The following SLC9C2 variants were observed in gnomAD, a reference collection of about 807,000 sequenced individuals.
The protein encoded by SLC9C2 is solute carrier family 9 member C2 (putative).
SLC9C2 carries 75 observed loss-of-function variants against 140.2 expected under a neutral mutation model. The ratio of observed to expected loss-of-function variants is 0.53; its 90% CI spans 0.44 to 0.65. SLC9C2 has a LOEUF of 0.65. Among genes scored for constraint, SLC9C2 ranks in the 30% least tolerant of loss-of-function variants. SLC9C2 has a pLI of 0.00. For synonymous variants in SLC9C2, 375 were observed against 420.9 expected (o/e 0.89, Z 1.34); for missense variants, 1,074 against 1,331.8 (o/e 0.81, Z 3.01).
chr1:173,537,399 C>T (rs183507669), intron 13 of SLC9C2, among the ~76,000 whole-genome samples: 1 of 151,864 alleles, frequency 6.6e-6, no homozygotes, highest in Non-Finnish European at 1.5e-5. Flanking sequence ...CCCATCTCTA[C>T]CAAAAATACA....
Position 173,548,400 on chromosome 1 carries a change from C to T in SLC9C2, c.1450G>A (p.Glu484Lys). The T allele has an allele frequency of 1.9e-6, 3 of 1,612,116 alleles. No homozygotes were observed. Among genetic ancestry groups the T allele is most frequent in the Non-Finnish European group, 2.5e-6 (3 of 1,179,238 alleles). Residue 484 changes from glutamate (E) to lysine (K), a missense_variant, in exon 12 of 28, where the codon GAA becomes AAA. Transcript: ENST00000367714. ...WTLVEDKTRI[E>K]YIPFSHVSHN... ...AGGTATCAACTCACAGGAATGTATT[C>T]GATCCTCGTTTTATCTTCTACTAAG... is the stretch of plus-strand genomic sequence containing the variant.
chr1:173,585,477 G>A (rs1265568498), intron 5 of SLC9C2, among the ~76,000 whole-genome samples: 7 of 151,966 alleles, frequency 4.6e-5, no homozygotes, highest in East Asian at 3.8e-4. Flanking sequence ...TTCACACAAA[G>A]GGACAATATG....
chr1:173,501,052 AT>A lies in SLC9C2; in HGVS notation c.*41del. 1 of 1,503,858 alleles carries A rather than the reference AT, an allele frequency of 6.6e-7. No individual in the cohort carries two copies. The highest frequency in any genetic ancestry group is 1.4e-5 in the South Asian group (1 of 71,980). The allele number at this position is 1,503,858 out of a possible 1,614,324, so 93.2% of individuals were successfully genotyped here. On this transcript the variant is annotated 3_prime_UTR_variant, in exon 28 of 28. Coordinates refer to ENST00000367714, the MANE Select transcript of SLC9C2 (RefSeq NM_178527.4). ...TCTTTAACCTGACTCCACACATCAT[AT>A]TTGTATCATTAATACCCTTTTCTAA...
chr1:173,509,605 G>A lies in SLC9C2; in HGVS notation c.3002C>T (p.Thr1001Ile), dbSNP rs755000330. The change falls in exon 24 of 28, where the codon ACT becomes ATT. Residue 1001 changes from threonine (T) to isoleucine (I), a missense_variant. Thr to Ile is a moderately conservative substitution (Grantham distance 89). Coordinates refer to ENST00000367714, the MANE Select transcript of SLC9C2 (RefSeq NM_178527.4). ...YKIWLKLALSTAYQYFESSLI... is the reference protein window; with the variant it reads ...YKIWLKLALSIAYQYFESSLI... Reference sequence around the variant, plus strand: ...ACTTGATTCAAAATACTGATAGGCAGTACTGAGAGCAAGCTTTAGCCATAT... The same window carrying A: ...ACTTGATTCAAAATACTGATAGGCAATACTGAGAGCAAGCTTTAGCCATAT... 2.5e-6 allele frequency: 4 copies of A among 1,593,560 alleles called. No individual in the cohort carries two copies. Among genetic ancestry groups the A allele is most frequent in the Non-Finnish European group, 3.4e-6 (4 of 1,173,022 alleles).
At chr1:173,546,519 T>C (rs1487756461) in intron 13 of SLC9C2, among the ~76,000 whole-genome samples, 1 of 152,204 alleles carries the variant, frequency 6.6e-6, no homozygotes, top group Non-Finnish European at 1.5e-5. Flanking sequence ...AGGTGGAGGT[T>C]GCAGTGAGTC....
chr1:173,504,587 C>T (rs183298471), intron 26 of SLC9C2, among the ~76,000 whole-genome samples: 1 of 152,182 alleles, frequency 6.6e-6, no homozygotes, highest in African/African-American at 2.4e-5. Context: ...AGAGTGTGTC[C>T]TCAAGCTGGG....
rs559118023 is a variant in SLC9C2 at position 173,525,474 on chromosome 1, T to A, written c.2366-547A>T. On this transcript the variant is annotated intron_variant, in intron 19 of 27. Transcript: ENST00000367714. ...ATCGAAGGTACACACTCTTTTCTTTTTAACTAAATGAATTGACCACTAAAG... is the reference window on the plus strand; with the variant it reads ...ATCGAAGGTACACACTCTTTTCTTTATAACTAAATGAATTGACCACTAAAG... 5.9e-5 allele frequency among the ~76,000 whole-genome samples: 9 copies of A among 152,344 alleles called. No homozygotes were observed. The South Asian group carries it at 1.9e-3, about 32-fold the overall frequency.
intron 27 of SLC9C2, among the ~76,000 whole-genome samples, chr1:173,502,710 T>A (rs1040107397): frequency 2.2e-4 from 34 of 152,262 alleles, no homozygotes; most frequent in African/African-American, 8.0e-4. Flanking sequence ...TGAAGTCTCT[T>A]GTTTTATCTT....
intron 4 of SLC9C2, among the ~76,000 whole-genome samples, chr1:173,590,476 G>A (rs780491543): frequency 1.3e-5 from 2 of 151,878 alleles, no homozygotes; most frequent in Non-Finnish European, 2.9e-5. Context: ...CTAAAACCAC[G>A]GATAGTACCC....
Position 173,569,341 on chromosome 1 carries a change from C to T in SLC9C2, c.1046+3841G>A, listed in dbSNP as rs544276418. On this transcript the variant is annotated intron_variant, in intron 9 of 27. Transcript: ENST00000367714. ...TAGAATTTCTGCTTGATTGGTGCTT[C>T]ATTGTAAGTGGCTTCTTTTCTGCTT... Among the ~76,000 whole-genome samples the T allele has an allele frequency of 8.0e-4, 122 of 151,996 alleles. 3 individuals carry two copies. The South Asian group carries it at 0.023, about 29-fold the overall frequency.
At chr1:173,559,231 A>G (rs1663928978) in intron 9 of SLC9C2, among the ~76,000 whole-genome samples, 2 of 152,228 alleles carry the variant, frequency 1.3e-5, no homozygotes, top group African/African-American at 4.8e-5. Context: ...ACAGATAGTC[A>G]ATTCAAAGTT....
At chr1:173,540,286 G>A (rs530383652) in intron 13 of SLC9C2, among the ~76,000 whole-genome samples, 1 of 152,320 alleles carries the variant, frequency 6.6e-6, no homozygotes, top group African/African-American at 2.4e-5. Flanking sequence ...ACAGGCATAA[G>A]AGTGATCCAA....
At chr1:173,591,123 A>G (rs961236114) in intron 4 of SLC9C2, among the ~76,000 whole-genome samples, 1 of 152,170 alleles carries the variant, frequency 6.6e-6, no homozygotes, top group Non-Finnish European at 1.5e-5. Flanking sequence ...AAGTGAGAGC[A>G]TGCAGTATTT....
intron 22 of SLC9C2, among the ~76,000 whole-genome samples, chr1:173,519,224 C>A (rs182639345): frequency 2.4e-4 from 37 of 152,106 alleles, no homozygotes; most frequent in Admixed American, 1.4e-3. Flanking sequence ...GATGTGAGGA[C>A]CTGCATGCAA....
At chr1:173,599,884 G>A (rs776139447) in intron 3 of SLC9C2, among the ~76,000 whole-genome samples, 2 of 152,062 alleles carry the variant, frequency 1.3e-5, no homozygotes, top group African/African-American at 4.8e-5. Context: ...GATAACAACC[G>A]TCAGCCACCG....
chr1:173,524,225 C>G lies in SLC9C2; in HGVS notation c.2515-131G>C, dbSNP rs1264873151. On this transcript the variant is annotated intron_variant, in intron 20 of 27. Coordinates refer to ENST00000367714, the MANE Select transcript of SLC9C2 (RefSeq NM_178527.4). ...CCTTGATTGTTGACTCACAGCTTGT[C>G]TCATCCTATCTAAATTCCTCTAACC... 38 of 819,506 alleles carry G rather than the reference C, an allele frequency of 4.6e-5. No homozygotes were observed. In the Admixed American group the frequency reaches 1.3e-3, roughly 27 times the overall value. The allele number at this position is 819,506 out of a possible 1,614,324, so 50.8% of individuals were successfully genotyped here. A position where few individuals can be genotyped will look rare whatever the true frequency, so the allele number is the denominator to read the frequency against.
chr1:173,541,745 G>A (rs1048704046), intron 13 of SLC9C2, among the ~76,000 whole-genome samples: 4 of 151,992 alleles, frequency 2.6e-5, no homozygotes, highest in Non-Finnish European at 2.9e-5. Context: ...TGAACAACCG[G>A]CTCCTGAATG....
At chr1:173,523,170 G>A (rs1349408095) in intron 21 of SLC9C2, among the ~76,000 whole-genome samples, 1 of 152,046 alleles carries the variant, frequency 6.6e-6, no homozygotes, top group African/African-American at 2.4e-5. Flanking sequence ...TAAGGAGTTC[G>A]AGACCAGCCT....
intron 9 of SLC9C2, among the ~76,000 whole-genome samples, chr1:173,561,431 T>C (rs1223259251): frequency 1.3e-5 from 2 of 152,232 alleles, no homozygotes; most frequent in African/African-American, 4.8e-5. Flanking sequence ...TGCATAGCTG[T>C]ACAACCAAGA....
Sources: allele counts gnomAD v4.1 joint callset (sites outside exome capture counted in the v4.1 genomes callset), GRCh38; gene constraint gnomAD v4.1.1; transcripts MANE v1.5; gene names NCBI Gene and HGNC (gene_info 2026-07-23, HGNC 2026-07-21).